NDUFAF2: variants seen among roughly 807,000 people sequenced by gnomAD.
NDUFAF2 encodes the protein NADH dehydrogenase [ubiquinone] 1 alpha subcomplex assembly factor 2.
In NDUFAF2, 13 loss-of-function variants were observed where a neutral mutation model predicts 22.8. That is an observed-to-expected ratio of 0.57 (90% CI 0.37 to 0.91). NDUFAF2 has a LOEUF of 0.91. Among genes scored for constraint, NDUFAF2 ranks in the 40% least tolerant of loss-of-function variants. NDUFAF2 has a pLI of 0.01. For missense variants in NDUFAF2, 162 were observed against 195.2 expected (o/e 0.83, Z 1.01); for synonymous variants, 53 against 64.2 (o/e 0.83, Z 0.84).
At chr5:61,000,052 A>G (rs191385286) in intron 1 of NDUFAF2, among the ~76,000 whole-genome samples, 37 of 152,220 alleles carry the variant, frequency 2.4e-4, no homozygotes, top group Middle Eastern at 3.4e-3. Flanking sequence ...AGACCATATG[A>G]TAAAAGAAAA....
intron 1 of NDUFAF2, among the ~76,000 whole-genome samples, chr5:60,981,615 T>C (rs1750978423): frequency 6.6e-6 from 1 of 152,108 alleles, no homozygotes; most frequent in South Asian, 2.1e-4. Flanking sequence ...TCAAGAATAA[T>C]AACTAAAACA....
intron 1 of NDUFAF2, among the ~76,000 whole-genome samples, chr5:60,973,985 G>T (rs1750868682): frequency 6.6e-6 from 1 of 152,082 alleles, no homozygotes; most frequent in African/African-American, 2.4e-5. Flanking sequence ...TGATATTTTG[G>T]GTAGAGACAG....
At chr5:60,999,263 C>G (rs77810746) in intron 1 of NDUFAF2, among the ~76,000 whole-genome samples, 3,649 of 152,074 alleles carry the variant, frequency 0.024, 63 homozygotes, top group Non-Finnish European at 0.037. Flanking sequence ...TGCCTGTACA[C>G]AAATGTTCGT....
chr5:61,057,410 T>C (rs1752113122), intron 1 of NDUFAF2, among the ~76,000 whole-genome samples: 1 of 152,200 alleles, frequency 6.6e-6, no homozygotes, highest in Admixed American at 6.5e-5. Context: ...TGAAGAATAG[T>C]ATAGGGAAAG....
At chr5:61,012,486 A>T (rs1455507603) in intron 1 of NDUFAF2, among the ~76,000 whole-genome samples, 2 of 152,146 alleles carry the variant, frequency 1.3e-5, no homozygotes, top group African/African-American at 4.8e-5. Flanking sequence ...GTGTAAATTC[A>T]CAATTAAAAT....
At chr5:61,020,445 GATAC>G (rs1751563309) in intron 1 of NDUFAF2, among the ~76,000 whole-genome samples, 1 of 151,978 alleles carries the variant, frequency 6.6e-6, no homozygotes, top group African/African-American at 2.4e-5. Context: ...CTGAATATTT[GATAC>G]ATTTATGCTA....
chr5:60,995,157 C>T (rs1384140668), intron 1 of NDUFAF2, among the ~76,000 whole-genome samples: 1 of 152,166 alleles, frequency 6.6e-6, no homozygotes, highest in Non-Finnish European at 1.5e-5. Context: ...TGAAAGGTCA[C>T]GTGTCTCTGT....
intron 1 of NDUFAF2, among the ~76,000 whole-genome samples, chr5:61,067,472 C>T (rs2111723688): frequency 6.6e-6 from 1 of 152,074 alleles, no homozygotes; most frequent in East Asian, 1.9e-4. Context: ...ATCCATGTCC[C>T]TACAAAGGAC....
chr5:60,976,616 T>G (rs1750906001), intron 1 of NDUFAF2, among the ~76,000 whole-genome samples: 1 of 152,234 alleles, frequency 6.6e-6, no homozygotes, highest in African/African-American at 2.4e-5. Flanking sequence ...GTAGTTTCTT[T>G]GAGGATATAA....
At chr5:60,993,916 A>G (rs182464200) in intron 1 of NDUFAF2, among the ~76,000 whole-genome samples, 56 of 152,344 alleles carry the variant, frequency 3.7e-4, no homozygotes, top group African/African-American at 1.3e-3. Context: ...GGTCTGCAAG[A>G]CTGGCAGCCT....
chr5:61,020,573 G>GTA (rs1554080034), intron 1 of NDUFAF2, among the ~76,000 whole-genome samples: 1 of 149,818 alleles, frequency 6.7e-6, no homozygotes, highest in Non-Finnish European at 1.5e-5. Flanking sequence ...GTGTGTGTGT[G>GTA]TACACATGCA....
intron 1 of NDUFAF2, among the ~76,000 whole-genome samples, chr5:61,007,818 C>G (rs1458460402): frequency 6.6e-6 from 1 of 152,088 alleles, no homozygotes; most frequent in African/African-American, 2.4e-5. Context: ...ACCCAAAGGA[C>G]TATAAGTCAT....
intron 2 of NDUFAF2, among the ~76,000 whole-genome samples, chr5:61,094,998 T>G (rs1752620297): frequency 6.6e-6 from 1 of 152,212 alleles, no homozygotes; most frequent in African/African-American, 2.4e-5. Flanking sequence ...AGAGCAGCTG[T>G]GCTGTGCTGG....
intron 2 of NDUFAF2, among the ~76,000 whole-genome samples, chr5:61,075,182 G>A (rs1161105859): frequency 6.6e-6 from 1 of 152,128 alleles, no homozygotes; most frequent in East Asian, 1.9e-4. Flanking sequence ...CTTCATACGT[G>A]GGTAAACAGT....
Position 60,972,889 on chromosome 5 carries a change from C to T in NDUFAF2, c.127+27507C>T, listed in dbSNP as rs1324277029. 3.3e-5 allele frequency among the ~76,000 whole-genome samples: 5 copies of T among 149,410 alleles called. No individual in the cohort carries two copies. The East Asian group carries it at 9.9e-4, about 30-fold the overall frequency. On this transcript the variant is annotated intron_variant, in intron 1 of 3. Transcript: ENST00000296597. ...CTGTATTTCTACCTTTTTTAATGCCCGTATTTCTTGGTTTCTTATTCTATT... is the reference window on the plus strand; with the variant it reads ...CTGTATTTCTACCTTTTTTAATGCCTGTATTTCTTGGTTTCTTATTCTATT...
At chr5:61,100,741 G>A (rs79351988) in intron 3 of NDUFAF2, among the ~76,000 whole-genome samples, 1,804 of 152,144 alleles carry the variant, frequency 0.012, 19 homozygotes, top group South Asian at 0.039. Context: ...AGTTGTGCTC[G>A]CTTTCCCACG....
chr5:60,956,848 T>C (rs1240220670), intron 1 of NDUFAF2, among the ~76,000 whole-genome samples: 1 of 152,194 alleles, frequency 6.6e-6, no homozygotes, highest in Non-Finnish European at 1.5e-5. Context: ...ATTTATAATA[T>C]CATCTCCTGA....
chr5:61,060,267 CA>C (rs1330256198), intron 1 of NDUFAF2, among the ~76,000 whole-genome samples: 1 of 152,076 alleles, frequency 6.6e-6, no homozygotes, highest in East Asian at 1.9e-4. Context: ...AAATGGCTTT[CA>C]GTATAAGAAT....
chr5:60,945,419 T>C (rs2112558348), intron 1 of NDUFAF2, 37 bp downstream of exon 1: 2 of 1,614,014 alleles, frequency 1.2e-6, no homozygotes, highest in East Asian at 4.5e-5. Flanking sequence ...GCGTGGTCAG[T>C]GATTGCGAGG....
Sources: gnomAD v4.1 joint callset for allele counts (sites outside exome capture counted in the v4.1 genomes callset) on GRCh38, gnomAD v4.1.1 for gene constraint, MANE v1.5 for transcripts, NCBI Gene and HGNC (gene_info 2026-07-23, HGNC 2026-07-21) for gene names.